The following PKHD1 variants were observed in gnomAD, a reference collection of about 807,000 sequenced individuals.
PKHD1 encodes PKHD1 ciliary IPT domain containing fibrocystin/polyductin.
PKHD1 carries 291 observed loss-of-function variants against 412.0 expected under a neutral mutation model. The ratio of observed to expected loss-of-function variants is 0.71; its 90% CI spans 0.64 to 0.78. The LOEUF (loss-of-function observed/expected upper bound fraction) is 0.78. Ranked by LOEUF, PKHD1 falls within the 30% of genes least tolerant of loss-of-function variation. The pLI is 0.00. For synonymous variants in PKHD1, 1,777 were observed against 1,821.5 expected, an observed-to-expected ratio of 0.98 and a Z score of 0.62; for missense variants, 4,825 against 4,950.7, an observed-to-expected ratio of 0.97 and a Z score of 0.76.
intron 60 of PKHD1, among the ~76,000 whole-genome samples, chr6:51,663,368 G>A (rs953668327): frequency 6.6e-6 from 1 of 151,944 alleles, no homozygotes; most frequent in South Asian, 2.1e-4. Context: ...CTCTAAAGAT[G>A]TACAGTTCTG....
At chr6:51,803,710 G>T (rs1057451212) in intron 52 of PKHD1, among the ~76,000 whole-genome samples, 4 of 151,296 alleles carry the variant, frequency 2.6e-5, no homozygotes, top group Non-Finnish European at 5.9e-5. Context: ...ACATAGAGAA[G>T]AAATTTTTTT....
Position 51,632,601 on chromosome 6 carries a change from G to A in PKHD1, c.11629C>T (p.Leu3877=). The A allele has an allele frequency of 1.2e-6, 2 of 1,613,198 alleles. No homozygotes were observed. The highest frequency in any genetic ancestry group is 1.7e-6 in the Non-Finnish European group (2 of 1,179,616). Residue 3877 remains leucine, a synonymous_variant, in exon 65 of 67, where the codon CTG becomes TTG. Transcript: ENST00000371117. ...SVASWLALSC[L]VCCWLKRSKS... is the part of the protein sequence containing the mutation. The stretch of plus-strand genomic sequence containing the variant: ...CTTCTTTTAAGCCAACAGCACACCA[G>A]ACAGCTCAGAGCCAGCCATGAGGCC...
intron 66 of PKHD1, among the ~76,000 whole-genome samples, chr6:51,623,445 T>G (rs1375582264): frequency 6.6e-6 from 1 of 152,302 alleles, no homozygotes; most frequent in East Asian, 1.9e-4. Flanking sequence ...GGACTGACAT[T>G]ATATTTGAGT....
At chr6:52,043,204 C>G in intron 26 of PKHD1, 70 bp from the exon 27 acceptor site, 1 of 1,213,350 alleles carries the variant, frequency 8.2e-7, no homozygotes, top group Non-Finnish European at 1.2e-6. Context: ...TTTGAGAGAC[C>G]TCTCACTATC....
At chr6:51,790,986 T>C (rs1793643917) in intron 53 of PKHD1, among the ~76,000 whole-genome samples, 1 of 152,056 alleles carries the variant, frequency 6.6e-6, no homozygotes, top group Non-Finnish European at 1.5e-5. Context: ...AAAATCACCC[T>C]GGAATGAGCA....
chr6:51,855,783 G>T, intron 49 of PKHD1, 110 bp downstream of exon 49: 1 of 885,024 alleles, frequency 1.1e-6, no homozygotes, highest in Non-Finnish European at 1.9e-6. Context: ...AATATGCCAA[G>T]ACTTTCAATA....
Position 51,659,426 on chromosome 6 carries a change from A to G in PKHD1, c.10700T>C (p.Val3567Ala), listed in dbSNP as rs760248372. The G allele has an allele frequency of 1.2e-6, 2 of 1,613,540 alleles. No homozygotes were observed. The highest frequency in any genetic ancestry group is 4.5e-5 in the East Asian group (2 of 44,846). ...SGVSIHLALT[V>A]MVSVLEKGWE... is the part of the protein sequence containing the mutation. ...GCCTTTTTCTAAGACTGAAACCATC[A>G]CAGTGAGGGCCAAGTGAATGGAAAC... The change falls in exon 61 of 67, where the codon GTG becomes GCG. Residue 3567 changes from valine (V) to alanine (A), a missense_variant. By Grantham distance (64) the Val-to-Ala change is moderately conservative. Coordinates refer to ENST00000371117, the MANE Select transcript of PKHD1 (RefSeq NM_138694.4).
chr6:51,704,005 C>T (rs980553480), intron 60 of PKHD1, among the ~76,000 whole-genome samples: 3 of 151,996 alleles, frequency 2.0e-5, no homozygotes, highest in Non-Finnish European at 4.4e-5. Context: ...GTTGCTACCT[C>T]AGAGTCACAT....
Position 51,855,976 on chromosome 6 carries a change from G to T in PKHD1, c.7828C>A (p.Pro2610Thr), listed in dbSNP as rs759331342. The T allele has an allele frequency of 5.6e-6, 9 of 1,612,162 alleles. No homozygotes were observed. In the South Asian group the frequency reaches 9.9e-5, roughly 18 times the overall value. The change falls in exon 49 of 67, where the codon CCT (proline) becomes ACT (threonine). Residue 2610 changes from proline to threonine, a missense_variant. Physicochemically the swap from Pro to Thr is conservative, Grantham distance 38. Coordinates refer to ENST00000371117, the MANE Select transcript of PKHD1 (RefSeq NM_138694.4). ...AAGAGCAGAGCCATCCAGCCACGAG[G>T]GTTAGACAATGTATCACGTACATAA... ...VNYVRDTLSN[P>T]RGWMALLLDQ...
At position 51,847,806 on chromosome 6, in the gene PKHD1, G is replaced by T; in HGVS notation, c.8076C>A (p.Phe2692Leu). 6.2e-7 allele frequency: 1 copy of T among 1,613,830 alleles called. No homozygotes were observed. The highest frequency in any genetic ancestry group is 1.1e-5 in the South Asian group (1 of 91,078). ...PGQNQGCDWF[F>L]NSQLRQLTYL... ...AGGTGAGTTGCCTCAGCTGGCTATT[G>T]AAGAACCAGTCACAGCCTTGGTTCT... is the stretch of plus-strand genomic sequence containing the variant. The change falls in exon 50 of 67, where the codon TTC becomes TTA. Residue 2692 changes from phenylalanine (F) to leucine (L), a missense_variant. Phe to Leu is a conservative substitution (Grantham distance 22, BLOSUM62 0). Transcript: ENST00000371117.
chr6:51,735,150 A>G (rs1338930132), intron 60 of PKHD1, among the ~76,000 whole-genome samples: 1 of 152,210 alleles, frequency 6.6e-6, no homozygotes, highest in Non-Finnish European at 1.5e-5. Flanking sequence ...CCAGTTAAAT[A>G]TATCTCTGTA....
chr6:51,982,223 C>CGGGA (rs1795495777), intron 35 of PKHD1, among the ~76,000 whole-genome samples: 5 of 30,572 alleles, frequency 1.6e-4, no homozygotes, highest in East Asian at 1.4e-3. Flanking sequence ...CCGCCCCATC[C>CGGGA]GGGAGGTGAG....
At chr6:51,888,400 T>C (rs926406552) in intron 43 of PKHD1, among the ~76,000 whole-genome samples, 3 of 152,198 alleles carry the variant, frequency 2.0e-5, no homozygotes, top group Admixed American at 1.3e-4. Context: ...CTATGTAACA[T>C]AGACTTAAGA....
At chr6:52,019,308 C>T (rs989952242) in intron 33 of PKHD1, among the ~76,000 whole-genome samples, 5 of 152,130 alleles carry the variant, frequency 3.3e-5, no homozygotes, top group African/African-American at 4.8e-5. Context: ...GAGATAAGTA[C>T]GTGGGGGAGG....
chr6:51,899,033 C>A (rs1384178387), intron 43 of PKHD1, among the ~76,000 whole-genome samples: 2 of 152,092 alleles, frequency 1.3e-5, no homozygotes, highest in African/African-American at 4.8e-5. Context: ...AATAGCTTAC[C>A]AACCAAAAAG....
At chr6:51,941,537 G>A (rs1788569280) in intron 36 of PKHD1, among the ~76,000 whole-genome samples, 1 of 151,070 alleles carries the variant, frequency 6.6e-6, no homozygotes, top group South Asian at 2.1e-4. Context: ...TTACAGGCGT[G>A]AGCCACCGCA....
rs541633897 is a variant in PKHD1 at position 51,917,270 on chromosome 6, G to A, written c.6122-4694C>T. On this transcript the variant is annotated intron_variant, in intron 37 of 66. Coordinates refer to ENST00000371117, the MANE Select transcript of PKHD1 (RefSeq NM_138694.4). ...AAATAATGTTTGCATCAGAATAAAG[G>A]AACTTACAAAAAAAACTAGAAATAT... 1.5e-4 allele frequency among the ~76,000 whole-genome samples: 22 copies of A among 151,180 alleles called. No individual in the cohort carries two copies. In the South Asian group the frequency reaches 4.4e-3, roughly 30 times the overall value.
intron 52 of PKHD1, among the ~76,000 whole-genome samples, chr6:51,804,271 T>C (rs1763370554): frequency 6.8e-6 from 1 of 147,458 alleles, no homozygotes; most frequent in African/African-American, 2.6e-5. Context: ...TCAGTAGTTC[T>C]ATAGTTCCAG....
At chr6:51,662,237 T>C (rs1772979182) in intron 60 of PKHD1, among the ~76,000 whole-genome samples, 1 of 151,786 alleles carries the variant, frequency 6.6e-6, no homozygotes, top group African/African-American at 2.4e-5. Context: ...CCTTAAGAAT[T>C]TTGAAAAAAG....
Sources: gnomAD v4.1 joint callset for allele counts (sites outside exome capture counted in the v4.1 genomes callset) on GRCh38, gnomAD v4.1.1 for gene constraint, MANE v1.5 for transcripts, NCBI Gene and HGNC (gene_info 2026-07-23, HGNC 2026-07-21) for gene names.